Variants in WWOX observed in about 807,000 individuals in gnomAD.
WWOX encodes the protein WW domain containing oxidoreductase.
Under a neutral mutation model 46.2 loss-of-function variants are expected in WWOX, and 69 were observed. That is an observed-to-expected ratio of 1.49 (90% CI 1.23 to 1.82). The LOEUF is 1.82. WWOX is among the 40% of genes most tolerant of loss of function. The probability of loss-of-function intolerance (pLI) is 0.00; values close to 1 mark genes in which losing one functional copy is unlikely to be tolerated. For missense variants in WWOX, 919 were observed against 542.6 expected (o/e 1.69, Z -6.89); for synonymous variants, 359 against 202.6 (o/e 1.77, Z -6.56).
chr16:79,138,830 T>C (rs191093176), intron 8 of WWOX, among the ~76,000 whole-genome samples: 36 of 152,308 alleles, frequency 2.4e-4, no homozygotes, highest in Admixed American at 2.4e-3. Context: ...TCACCAGATG[T>C]GGCAGGGTGA....
chr16:78,147,054 C>T (rs536759126), intron 4 of WWOX, among the ~76,000 whole-genome samples: 53 of 152,088 alleles, frequency 3.5e-4, no homozygotes, highest in African/African-American at 1.3e-3. Context: ...TAGTAACAAA[C>T]ACACACAAGC....
intron 8 of WWOX, among the ~76,000 whole-genome samples, chr16:79,153,902 G>A (rs1045860883): frequency 1.1e-4 from 16 of 152,216 alleles, no homozygotes; most frequent in East Asian, 1.9e-4. Context: ...GTTTGAAAGC[G>A]TTTTCCAGGC....
At chr16:78,661,975 T>C (rs1376512996) in intron 8 of WWOX, among the ~76,000 whole-genome samples, 1 of 152,118 alleles carries the variant, frequency 6.6e-6, no homozygotes, top group Non-Finnish European at 1.5e-5. Context: ...GCCCGGTAGA[T>C]GGAGGTTGCA....
At chr16:78,265,131 G>T (rs188996195) in intron 5 of WWOX, among the ~76,000 whole-genome samples, 289 of 150,832 alleles carry the variant, frequency 1.9e-3, no homozygotes, top group Non-Finnish European at 3.6e-3. Flanking sequence ...CTCCCAAGTT[G>T]CTGGGATTAC....
intron 8 of WWOX, among the ~76,000 whole-genome samples, chr16:78,723,563 TTTTC>T (rs1404847630): frequency 3.7e-5 from 1 of 27,386 alleles, no homozygotes; most frequent in African/African-American, 1.4e-4. Context: ...CCTTCTTTTC[TTTTC>T]TTTTCTTTTC....
At chr16:78,555,077 G>C (rs1487156611) in intron 8 of WWOX, among the ~76,000 whole-genome samples, 1 of 150,764 alleles carries the variant, frequency 6.6e-6, no homozygotes, top group Non-Finnish European at 1.5e-5. Flanking sequence ...GGCCAGGGTG[G>C]GTTTGGAAGG....
At chr16:79,127,686 C>G (rs935100707) in intron 8 of WWOX, among the ~76,000 whole-genome samples, 1 of 152,080 alleles carries the variant, frequency 6.6e-6, no homozygotes, top group Non-Finnish European at 1.5e-5. Flanking sequence ...TAGATATTGC[C>G]AAATTGCCCT....
intron 6 of WWOX, among the ~76,000 whole-genome samples, chr16:78,407,858 C>T (rs1227516577): frequency 2.6e-5 from 4 of 152,212 alleles, no homozygotes; most frequent in Admixed American, 2.6e-4. Flanking sequence ...CACGCACTTC[C>T]TATGGACATT....
At position 78,342,148 on chromosome 16, in the gene WWOX, GA is replaced by G. The variant is rs1450415042; in HGVS notation, c.517-44707del. ...TGTTCAAGAAGAAATACAAACTATT[GA>G]AAAAGGAAGGCTGAATGCTTTATCA... On this transcript the variant is annotated intron_variant, in intron 5 of 8. Coordinates refer to ENST00000566780, the MANE Select transcript of WWOX (RefSeq NM_016373.4). Among the ~76,000 whole-genome samples the G allele has an allele frequency of 2.5e-5, 3 of 121,362 alleles. 1 individual carries two copies. The highest frequency in any genetic ancestry group is 5.9e-5 in the Non-Finnish European group (3 of 50,706). 79.6% of individuals were successfully genotyped at this position (121,362 alleles called of 152,430 possible).
At chr16:79,115,329 C>G (rs577150023) in intron 8 of WWOX, among the ~76,000 whole-genome samples, 2 of 152,284 alleles carry the variant, frequency 1.3e-5, no homozygotes, top group South Asian at 4.1e-4. Flanking sequence ...CTCATTCCAA[C>G]AAGAATTGGA....
chr16:78,125,986 C>A (rs1234413546), intron 4 of WWOX, among the ~76,000 whole-genome samples: 2 of 152,026 alleles, frequency 1.3e-5, no homozygotes, highest in Non-Finnish European at 2.9e-5. Context: ...CAATTCTTAC[C>A]AGTTAGAAGT....
At chr16:78,328,832 TTTTTCTTTTCTTTTG>T (rs2080692904) in intron 5 of WWOX, among the ~76,000 whole-genome samples, 1 of 150,384 alleles carries the variant, frequency 6.6e-6, no homozygotes, top group South Asian at 2.1e-4. Flanking sequence ...GTGTTTTTCT[TTTTTCTTTTCTTTTG>T]TTTTCTTTTC....
intron 8 of WWOX, among the ~76,000 whole-genome samples, chr16:78,703,000 T>G (rs2048257183): frequency 6.6e-6 from 1 of 152,166 alleles, no homozygotes; most frequent in South Asian, 2.1e-4. Context: ...TCCGCTCCCT[T>G]TCCTAAGAAA....
At chr16:78,969,180 C>T (rs932143508) in intron 8 of WWOX, among the ~76,000 whole-genome samples, 5 of 151,962 alleles carry the variant, frequency 3.3e-5, no homozygotes, top group African/African-American at 9.7e-5. Flanking sequence ...TGAATTCAGT[C>T]ACAAACCCTA....
chr16:78,361,651 G>A (rs558424355), intron 5 of WWOX, among the ~76,000 whole-genome samples: 15 of 151,894 alleles, frequency 9.9e-5, no homozygotes, highest in Admixed American at 2.0e-4. Context: ...CACTCCTGTC[G>A]CCCAGGCTGG....
chr16:78,364,395 C>T (rs778690838), intron 5 of WWOX, among the ~76,000 whole-genome samples: 1 of 152,134 alleles, frequency 6.6e-6, no homozygotes, highest in Non-Finnish European at 1.5e-5. Flanking sequence ...ATTTACTTGG[C>T]TTTGGAGAAG....
At chr16:78,504,806 G>A (rs1397925) in intron 8 of WWOX, among the ~76,000 whole-genome samples, 137,532 of 151,716 alleles carry the variant, frequency 0.91, 62,887 homozygotes, top group Non-Finnish European at 0.97. Context: ...TTATGCATCC[G>A]TGCTCAGGGC....
In WWOX at chr16:79,140,279, G is replaced by A. The variant is rs113341888; in HGVS notation, c.1057-71329G>A. Among the ~76,000 whole-genome samples, 913 of 152,260 alleles carry A rather than the reference G, an allele frequency of 6.0e-3. 8 individuals are homozygous for A. The highest frequency in any genetic ancestry group is 0.021 in the African/African-American group (857 of 41,542). On this transcript the variant is annotated intron_variant, in intron 8 of 8. Transcript: ENST00000566780. ...ACGCTCTGAGCAGTCTATTGGATGC[G>A]GTGGTGTGGCCGATTTCTTGGACTT...
intron 8 of WWOX, among the ~76,000 whole-genome samples, chr16:78,979,297 C>G (rs1179913631): frequency 1.3e-5 from 2 of 152,168 alleles, no homozygotes; most frequent in Non-Finnish European, 2.9e-5. Context: ...TTTAGTTCAT[C>G]TCCTTCTAAC....
Sources: allele counts gnomAD v4.1 joint callset (sites outside exome capture counted in the v4.1 genomes callset), GRCh38; gene constraint gnomAD v4.1.1; transcripts MANE v1.5; gene names NCBI Gene and HGNC (gene_info 2026-07-23, HGNC 2026-07-21).